The following AMD1 variants were observed in gnomAD, a reference collection of about 807,000 sequenced individuals.
AMD1 encodes S-adenosylmethionine decarboxylase proenzyme.
In AMD1, 11 loss-of-function variants were observed where a neutral mutation model predicts 40.2. That is an observed-to-expected ratio of 0.27 (90% CI 0.17 to 0.45). AMD1 has a LOEUF of 0.45. Ranked by LOEUF, AMD1 falls within the 20% of genes least tolerant of loss-of-function variation. The probability of loss-of-function intolerance (pLI) is 1.00; values close to 1 mark genes in which losing one functional copy is unlikely to be tolerated. For missense variants in AMD1, 257 were observed against 410.2 expected (o/e 0.63, Z 3.23); for synonymous variants, 121 against 130.8 (o/e 0.93, Z 0.51).
chr6:110,842,004 T>C, the AMD1 span, among the ~76,000 whole-genome samples: 4 of 152,036 alleles, frequency 2.6e-5, no homozygotes, highest in Admixed American at 2.6e-4. Flanking sequence ...GTTTTCACCA[T>C]GTTGGCCAGG....
At chr6:110,831,619 T>C in the AMD1 span, among the ~76,000 whole-genome samples, 1 of 152,000 alleles carries the variant, frequency 6.6e-6, no homozygotes, top group African/African-American at 2.4e-5. Context: ...TAGTCAAAGG[T>C]TGGACCTCTT....
chr6:110,875,544 C>G (rs968991905), intron 1 of AMD1: 5 of 224,670 alleles, frequency 2.2e-5, no homozygotes, highest in Middle Eastern at 2.9e-3. Flanking sequence ...CCGCGCCTCC[C>G]GACATTTCCC....
chr6:110,838,669 G>A, the AMD1 span, among the ~76,000 whole-genome samples: 7 of 152,056 alleles, frequency 4.6e-5, no homozygotes, highest in African/African-American at 1.7e-4. Flanking sequence ...GACCACCCTG[G>A]CCAACATGGT....
At position 110,884,636 on chromosome 6, in the gene AMD1, TG is replaced by T. The variant is rs537848869; in HGVS notation, c.111-2868del. Among the ~76,000 whole-genome samples, 92 of 152,272 alleles carry T rather than the reference TG, an allele frequency of 6.0e-4. 2 individuals are homozygous for T. In the South Asian group the frequency reaches 0.011, roughly 18 times the overall value. On this transcript the variant is annotated intron_variant, in intron 1 of 8. Coordinates refer to ENST00000368885, the MANE Select transcript of AMD1 (RefSeq NM_001634.6). ...TTTAAGAGACTGGCTATTGCTATGT[TG>T]CCCAGGCTGGTCTTGAACTTCTGGT...
chr6:110,836,271 T>C, the AMD1 span, among the ~76,000 whole-genome samples: 1 of 152,206 alleles, frequency 6.6e-6, no homozygotes, highest in African/African-American at 2.4e-5. Context: ...TTTGGAGGTG[T>C]TAAAAAAATT....
chr6:110,834,742 A>G, the AMD1 span, among the ~76,000 whole-genome samples: 1 of 151,920 alleles, frequency 6.6e-6, no homozygotes, highest in Non-Finnish European at 1.5e-5. Flanking sequence ...GCAGATCACA[A>G]GGTCAAGAGA....
the AMD1 span, among the ~76,000 whole-genome samples, chr6:110,835,308 G>A: frequency 1.3e-5 from 2 of 151,896 alleles, no homozygotes; most frequent in Admixed American, 6.6e-5. Context: ...ATGAGCCACC[G>A]CACCCGGCCT....
At chr6:110,879,592 A>G (rs2115278755) in intron 1 of AMD1, among the ~76,000 whole-genome samples, 1 of 151,854 alleles carries the variant, frequency 6.6e-6, no homozygotes, top group South Asian at 2.1e-4. Context: ...TGGTCAGTCT[A>G]GCTTTACTCA....
the AMD1 span, among the ~76,000 whole-genome samples, chr6:110,829,119 G>A: frequency 0.048 from 7,227 of 150,852 alleles, 178 homozygotes; most frequent in Middle Eastern, 0.079. Flanking sequence ...GCAGTGAGCC[G>A]AGATCACACC....
chr6:110,837,711 C>G, the AMD1 span, among the ~76,000 whole-genome samples: 8 of 35,214 alleles, frequency 2.3e-4, no homozygotes, highest in Non-Finnish European at 3.7e-4. Flanking sequence ...AACTCCATCT[C>G]AGAAAAAAAA....
the AMD1 span, among the ~76,000 whole-genome samples, chr6:110,832,634 A>T: frequency 6.6e-6 from 1 of 152,162 alleles, no homozygotes; most frequent in Non-Finnish European, 1.5e-5. Flanking sequence ...AGTGTTATAG[A>T]CATAATTTGT....
intron 1 of AMD1, among the ~76,000 whole-genome samples, chr6:110,878,792 A>G (rs1785243593): frequency 6.6e-6 from 1 of 152,146 alleles, no homozygotes; most frequent in South Asian, 2.1e-4. Context: ...AGGACTGGAA[A>G]TCCTATTACT....
At chr6:110,857,745 G>T in the AMD1 span, among the ~76,000 whole-genome samples, 1 of 143,526 alleles carries the variant, frequency 7.0e-6, no homozygotes, top group African/African-American at 2.6e-5. Flanking sequence ...TATATATATA[G>T]ATGGTATATA....
chr6:110,886,882 T>G (rs969176641), intron 1 of AMD1, among the ~76,000 whole-genome samples: 3 of 152,226 alleles, frequency 2.0e-5, no homozygotes, highest in African/African-American at 7.2e-5. Flanking sequence ...CTCAGGCAAA[T>G]TAAGACTAGT....
upstream of AMD1, among the ~76,000 whole-genome samples, chr6:110,873,911 C>T (rs1267066429): frequency 1.3e-5 from 2 of 152,148 alleles, no homozygotes; most frequent in Non-Finnish European, 2.9e-5. Context: ...TGATAAAATT[C>T]AAAGAAAAAC....
upstream of AMD1, among the ~76,000 whole-genome samples, chr6:110,874,380 C>G (rs1784981639): frequency 2.0e-5 from 3 of 152,204 alleles, no homozygotes; most frequent in East Asian, 1.9e-4. Context: ...AAAACCACCA[C>G]GCCAACCCAG....
chr6:110,858,454 C>T, the AMD1 span: 1 of 1,099,642 alleles, frequency 9.1e-7, no homozygotes, highest in Non-Finnish European at 1.4e-6. Flanking sequence ...CGGGCTCAGT[C>T]CTCAAGATCA....
chr6:110,892,770 C>A lies in AMD1; in HGVS notation c.651C>A (p.Val217=). ...SGIRDLIPGS[V]IDATMFNPCG... ...TTCGTGACCTGATACCAGGTTCTGTCATTGATGCCACAATGTTCAATCCTT... is the reference window on the plus strand; with the variant it reads ...TTCGTGACCTGATACCAGGTTCTGTAATTGATGCCACAATGTTCAATCCTT... The change falls in exon 7 of 9, where the codon GTC becomes GTA. Residue 217 remains valine, a synonymous_variant. Transcript: ENST00000368885. 6.2e-7 allele frequency: 1 copy of A among 1,613,328 alleles called. No individual in the cohort carries two copies. The highest frequency in any genetic ancestry group is 8.5e-7 in the Non-Finnish European group (1 of 1,179,784).
the AMD1 span, among the ~76,000 whole-genome samples, chr6:110,846,776 A>C: frequency 2.0e-5 from 3 of 152,256 alleles, no homozygotes; most frequent in African/African-American, 7.2e-5. Context: ...AGGCTGAGGC[A>C]GGAGGATTGC....
Sources: gnomAD v4.1 joint callset for allele counts (sites outside exome capture counted in the v4.1 genomes callset) on GRCh38, gnomAD v4.1.1 for gene constraint, MANE v1.5 for transcripts, NCBI Gene and HGNC (gene_info 2026-07-23, HGNC 2026-07-21) for gene names.